Variants in EPHA5 observed in about 807,000 individuals in gnomAD.
EPHA5 encodes the protein ephrin type-A receptor 5.
A neutral mutation model predicts 105.0 loss-of-function variants in EPHA5; 60 were observed. The ratio of observed to expected loss-of-function variants is 0.57; its 90% CI spans 0.46 to 0.71. The LOEUF is 0.71. EPHA5 is among the 30% of genes least tolerant of loss of function. EPHA5 has a pLI of 0.00. For missense variants in EPHA5, 1,218 were observed against 1,274.7 expected, an observed-to-expected ratio of 0.96 and a Z score of 0.68; for synonymous variants, 513 against 449.1, an observed-to-expected ratio of 1.14 and a Z score of -1.80.
intron 5 of EPHA5, among the ~76,000 whole-genome samples, chr4:65,489,091 G>A (rs1005408611): frequency 1.6e-4 from 24 of 151,882 alleles, no homozygotes; most frequent in African/African-American, 5.8e-4. Context: ...TAGAGACGGG[G>A]TTTCACTGTG....
intron 3 of EPHA5, among the ~76,000 whole-genome samples, chr4:65,513,511 C>T (rs550603010): frequency 1.1e-4 from 17 of 152,064 alleles, no homozygotes; most frequent in African/African-American, 3.9e-4. Flanking sequence ...CTCAGCCTCC[C>T]GAGTAGCTGA....
intron 5 of EPHA5, among the ~76,000 whole-genome samples, chr4:65,471,268 T>C (rs59213044): frequency 0.17 from 25,902 of 152,126 alleles, 2,472 homozygotes; most frequent in African/African-American, 0.23. Flanking sequence ...CTACCTTCTT[T>C]CTGATGGATA....
At chr4:65,438,084 C>G (rs1268229987) in intron 5 of EPHA5, among the ~76,000 whole-genome samples, 1 of 151,800 alleles carries the variant, frequency 6.6e-6, no homozygotes, top group South Asian at 2.1e-4. Context: ...TGGAGGGAGC[C>G]TATCATGTGC....
chr4:65,386,215 C>T (rs1331756600), intron 8 of EPHA5, among the ~76,000 whole-genome samples: 3 of 151,832 alleles, frequency 2.0e-5, no homozygotes, highest in Admixed American at 6.6e-5. Context: ...ATGCAATTTA[C>T]AAAACAGATG....
chr4:65,635,176 A>C (rs1000620276), intron 2 of EPHA5, among the ~76,000 whole-genome samples: 1 of 152,140 alleles, frequency 6.6e-6, no homozygotes. Flanking sequence ...TAACAGAACA[A>C]AGCGACAATA....
At chr4:65,474,752 A>G (rs1392554468) in intron 5 of EPHA5, among the ~76,000 whole-genome samples, 1 of 152,196 alleles carries the variant, frequency 6.6e-6, no homozygotes, top group Non-Finnish European at 1.5e-5. Flanking sequence ...ACGGTTAATT[A>G]TTAATAAAAT....
intron 8 of EPHA5, among the ~76,000 whole-genome samples, chr4:65,383,220 T>TACACACAC (rs142791536): frequency 6.9e-5 from 10 of 144,548 alleles, no homozygotes; most frequent in African/African-American, 1.3e-4. Context: ...ATATATGATA[T>TACACACAC]ACACACACAC....
At chr4:65,536,264 G>GATAGGACTTCTTTC (rs1237471745) in intron 3 of EPHA5, among the ~76,000 whole-genome samples, 9 of 151,902 alleles carry the variant, frequency 5.9e-5, no homozygotes, top group Admixed American at 5.9e-4. Context: ...TTATTACTGT[G>GATAGGACTTCTTTC]ATAGGACTTC....
chr4:65,572,383 A>G (rs1406053064), intron 3 of EPHA5, among the ~76,000 whole-genome samples: 1 of 152,184 alleles, frequency 6.6e-6, no homozygotes, highest in Non-Finnish European at 1.5e-5. Context: ...CAACGCAGGC[A>G]TGCTAGTGAT....
intron 3 of EPHA5, among the ~76,000 whole-genome samples, chr4:65,517,519 A>G (rs1734224521): frequency 6.6e-6 from 1 of 151,862 alleles, no homozygotes; most frequent in South Asian, 2.1e-4. Flanking sequence ...GTTATCATGT[A>G]ATGTAATTAT....
chr4:65,456,398 A>C (rs1372809431), intron 5 of EPHA5, among the ~76,000 whole-genome samples: 1 of 152,102 alleles, frequency 6.6e-6, no homozygotes, highest in Non-Finnish European at 1.5e-5. Context: ...CATTCTAAGC[A>C]TAATGTAGAA....
chr4:65,635,944 T>C (rs1162763199), intron 2 of EPHA5, among the ~76,000 whole-genome samples: 1 of 152,172 alleles, frequency 6.6e-6, no homozygotes, highest in Non-Finnish European at 1.5e-5. Context: ...AGGAAATATT[T>C]ATTTTACAGA....
intron 3 of EPHA5, among the ~76,000 whole-genome samples, chr4:65,558,816 G>A (rs1003505893): frequency 2.6e-5 from 4 of 151,924 alleles, no homozygotes; most frequent in African/African-American, 7.3e-5. Context: ...TTCTGCTTGG[G>A]GACCTGGCAT....
At chr4:65,626,906 C>T (rs1449447710) in intron 2 of EPHA5, among the ~76,000 whole-genome samples, 1 of 152,108 alleles carries the variant, frequency 6.6e-6, no homozygotes, top group African/African-American at 2.4e-5. Context: ...ATTTCATTTA[C>T]CCCCTGGAAA....
intron 5 of EPHA5, among the ~76,000 whole-genome samples, chr4:65,490,104 T>C (rs1716673783): frequency 6.6e-6 from 1 of 152,264 alleles, no homozygotes. Context: ...TTGCTTCAAA[T>C]GGATTTGATC....
At chr4:65,494,429 G>A (rs886263945) in intron 4 of EPHA5, among the ~76,000 whole-genome samples, 1 of 152,104 alleles carries the variant, frequency 6.6e-6, no homozygotes, top group South Asian at 2.1e-4. Context: ...GCAGTTCATG[G>A]AAATTAAACA....
chr4:65,487,951 CTT>C (rs1291154014), intron 5 of EPHA5, among the ~76,000 whole-genome samples: 2 of 152,180 alleles, frequency 1.3e-5, no homozygotes, highest in Admixed American at 6.5e-5. Flanking sequence ...TAAAATAAGA[CTT>C]AGTGATTCTG....
At chr4:65,646,134 C>T (rs1020814495) in intron 1 of EPHA5, among the ~76,000 whole-genome samples, 3 of 152,044 alleles carry the variant, frequency 2.0e-5, no homozygotes, top group Non-Finnish European at 4.4e-5. Flanking sequence ...TCCTTCAAAA[C>T]GTATTTCAGG....
chr4:65,657,845 C>G (rs372512546), intron 1 of EPHA5, among the ~76,000 whole-genome samples: 2 of 135,380 alleles, frequency 1.5e-5, no homozygotes, highest in South Asian at 4.9e-4. Context: ...AGGTGGCACT[C>G]AATGAGTTTA....
Sources: gnomAD v4.1 joint callset for allele counts (sites outside exome capture counted in the v4.1 genomes callset) on GRCh38, gnomAD v4.1.1 for gene constraint, MANE v1.5 for transcripts, NCBI Gene and HGNC (gene_info 2026-07-23, HGNC 2026-07-21) for gene names.